The following GGA2 variants were observed in gnomAD, a reference collection of about 807,000 sequenced individuals.
GGA2 encodes the protein golgi associated, gamma adaptin ear containing, ARF binding protein 2.
A neutral mutation model predicts 79.5 loss-of-function variants in GGA2; 48 were observed. The observed-to-expected ratio is 0.60, with a 90% confidence interval of 0.48 to 0.77. The LOEUF (loss-of-function observed/expected upper bound fraction) is 0.77. Ranked by LOEUF, GGA2 falls within the 30% of genes least tolerant of loss-of-function variation. The pLI is 0.00. For synonymous variants in GGA2, 317 were observed against 302.0 expected, an observed-to-expected ratio of 1.05 and a Z score of -0.51; for missense variants, 770 against 774.0, an observed-to-expected ratio of 0.99 and a Z score of 0.06.
chr16:23,473,356 T>TTA (rs1555498980), intron 14 of GGA2, among the ~76,000 whole-genome samples: 1 of 140,402 alleles, frequency 7.1e-6, no homozygotes, highest in African/African-American at 2.8e-5. Flanking sequence ...TTTTTTTTTT[T>TTA]AGACAGAGTC....
In GGA2 at chr16:23,488,656, A is replaced by G; in HGVS notation, c.529T>C (p.Ser177Pro). ...LPVDKILPPP[S>P]PWPKSSIFDA... ...AAGATGGAGCTCTTGGGCCAGGGAG[A>G]TGGTGGGGGTAAGATTTTATCCACT... The change falls in exon 6 of 17, where the codon TCT becomes CCT. Residue 177 changes from serine (S) to proline (P), a missense_variant. Ser to Pro is a moderately conservative substitution (Grantham distance 74, BLOSUM62 -1). Transcript: ENST00000309859. 6.2e-7 allele frequency: 1 copy of G among 1,611,528 alleles called. No homozygotes were observed. The highest frequency in any genetic ancestry group is 1.3e-5 in the African/African-American group (1 of 74,920).
At chr16:23,503,757 C>A (rs1407407971) in intron 1 of GGA2, among the ~76,000 whole-genome samples, 3 of 152,142 alleles carry the variant, frequency 2.0e-5, no homozygotes, top group Non-Finnish European at 4.4e-5. Flanking sequence ...TATCATGGCT[C>A]AAAAGTAACA....
chr16:23,476,507 C>CA, intron 13 of GGA2, among the ~76,000 whole-genome samples: 1 of 151,872 alleles, frequency 6.6e-6, no homozygotes, highest in African/African-American at 2.4e-5. Flanking sequence ...TGTAAATGTC[C>CA]AAAAAAGGGA....
At position 23,466,161 on chromosome 16, in the gene GGA2, G is replaced by A. The variant is rs999557294; in HGVS notation, c.*1429C>T. On this transcript the variant is annotated 3_prime_UTR_variant, in exon 17 of 17. Coordinates refer to ENST00000309859, the MANE Select transcript of GGA2 (RefSeq NM_015044.4). ...TATGTAGAAGTCAAAAGATCAGACT[G>A]TAAAAATATCAGATATTGTAATTAA... 2 of 152,104 alleles carry A rather than the reference G, an allele frequency of 1.3e-5. No homozygotes were observed. The highest frequency in any genetic ancestry group is 6.6e-5 in the Admixed American group (1 of 15,248). The allele number at this position is 152,104 out of a possible 1,614,324, so 9.4% of individuals were successfully genotyped here.
At chr16:23,487,043 G>A (rs1964724209) in intron 6 of GGA2, among the ~76,000 whole-genome samples, 1 of 148,342 alleles carries the variant, frequency 6.7e-6, no homozygotes. Context: ...GTGCAGTGGC[G>A]CAATCTCGAC....
chr16:23,507,621 ATCTC>A (rs377664675), intron 1 of GGA2, among the ~76,000 whole-genome samples: 1 of 142,802 alleles, frequency 7.0e-6, no homozygotes, highest in Non-Finnish European at 1.5e-5. Context: ...ATGAAACTCC[ATCTC>A]TCTCTCTCTC....
intron 6 of GGA2, 58 bp from the exon 7 acceptor site, chr16:23,486,848 G>C (rs1964720294): frequency 1.0e-6 from 1 of 962,698 alleles, no homozygotes; most frequent in Admixed American, 1.7e-5. Flanking sequence ...GCCTAGAGCA[G>C]AAGCAGCAGC....
chr16:23,521,488 G>T (rs11074564), intron 1 of GGA2, among the ~76,000 whole-genome samples: 127,003 of 151,812 alleles, frequency 0.84, 53,242 homozygotes, highest in Middle Eastern at 0.9. Context: ...CAGCCTTAAC[G>T]CCTCAGCTCA....
At chr16:23,515,130 T>C (rs75656492), upstream of GGA2, among the ~76,000 whole-genome samples, 1,647 of 151,400 alleles carry the variant, frequency 0.011, 28 homozygotes, top group African/African-American at 0.038. Flanking sequence ...GTTTTTTTTT[T>C]CCTTAATCTA....
chr16:23,503,279 G>A (rs1007613375), intron 1 of GGA2, among the ~76,000 whole-genome samples: 1 of 152,118 alleles, frequency 6.6e-6, no homozygotes, highest in African/African-American at 2.4e-5. Flanking sequence ...TTTTGTGTCT[G>A]AAGATGAAAT....
intron 6 of GGA2, 132 bp from the exon 7 acceptor site, chr16:23,486,922 C>T (rs1964721118): frequency 2.8e-6 from 2 of 710,066 alleles, no homozygotes; most frequent in Non-Finnish European, 5.2e-6. Flanking sequence ...CCAAATGGTC[C>T]AAGGACACTA....
At chr16:23,498,166 G>A (rs907614951) in intron 1 of GGA2, among the ~76,000 whole-genome samples, 1 of 151,956 alleles carries the variant, frequency 6.6e-6, no homozygotes, top group Non-Finnish European at 1.5e-5. Flanking sequence ...TATAATCCCA[G>A]CTACTCAGTA....
At chr16:23,516,854 C>T (rs1310955983) in intron 2 of GGA2, among the ~76,000 whole-genome samples, 2 of 152,080 alleles carry the variant, frequency 1.3e-5, no homozygotes, top group African/African-American at 2.4e-5. Context: ...TGTTGGGAGA[C>T]AGCCATAGAA....
At chr16:23,495,515 T>A in intron 2 of GGA2, 179 bp downstream of exon 2, 1 of 398,624 alleles carries the variant, frequency 2.5e-6, no homozygotes, top group South Asian at 1.1e-4. Flanking sequence ...CAGGCAGGTC[T>A]CAAACTCCTG....
At position 23,474,936 on chromosome 16, in the gene GGA2, T is replaced by G. The variant is rs780790854; in HGVS notation, c.1418A>C (p.Gln473Pro). The stretch of plus-strand genomic sequence containing the variant: ...AACAGACTCCAAAGGGACAAACACT[T>G]GAGCCAGAGGTGTATTCTGTGAAGA... ...SPSSQNTPLA[Q>P]VFVPLESVKP... Residue 473 changes from glutamine to proline, a missense_variant, in exon 14 of 17, where the codon CAA becomes CCA. Physicochemically the swap from Gln to Pro is moderately conservative, Grantham distance 76. Transcript: ENST00000309859. The G allele has an allele frequency of 6.2e-7, 1 of 1,613,150 alleles. No individual in the cohort carries two copies. Among genetic ancestry groups the G allele is most frequent in the Non-Finnish European group, 8.5e-7 (1 of 1,179,348 alleles).
chr16:23,469,163 A>T (rs1964479967), intron 15 of GGA2, 167 bp from the exon 16 acceptor site: 1 of 539,418 alleles, frequency 1.9e-6, no homozygotes, highest in Non-Finnish European at 3.4e-6. Flanking sequence ...ACAGACTCCC[A>T]CTAATTGATA....
chr16:23,510,522 G>T, upstream of GGA2: 1 of 418,800 alleles, frequency 2.4e-6, no homozygotes, highest in Non-Finnish European at 4.0e-6. Context: ...CACGTGACGG[G>T]GCGGGGCCGC....
chr16:23,480,402 C>T (rs939611937), intron 10 of GGA2: 22 of 441,022 alleles, frequency 5.0e-5, no homozygotes, highest in Non-Finnish European at 6.5e-5. Context: ...AGAATTCAAA[C>T]GCAGGCACAG....
At chr16:23,514,760 G>A (rs945277025), upstream of GGA2, among the ~76,000 whole-genome samples, 3 of 152,134 alleles carry the variant, frequency 2.0e-5, no homozygotes, top group Admixed American at 6.5e-5. Flanking sequence ...TTTTGTTATA[G>A]GAGTGTTGGC....
Sources: allele counts gnomAD v4.1 joint callset (sites outside exome capture counted in the v4.1 genomes callset), GRCh38; gene constraint gnomAD v4.1.1; transcripts MANE v1.5; gene names NCBI Gene and HGNC (gene_info 2026-07-23, HGNC 2026-07-21).